Variants in SLC24A3 observed in about 807,000 individuals in gnomAD.
The protein encoded by SLC24A3 is sodium/potassium/calcium exchanger 3.
SLC24A3 carries 28 observed loss-of-function variants against 75.8 expected under a neutral mutation model. The observed-to-expected ratio is 0.37, with a 90% CI of 0.27 to 0.51. The LOEUF (loss-of-function observed/expected upper bound fraction) is 0.51, where lower values mean the gene tolerates loss of function less well. SLC24A3 is among the 20% of genes least tolerant of loss of function. The pLI, the probability that SLC24A3 is intolerant of heterozygous loss-of-function variation, is 0.94. For missense variants in SLC24A3, 663 were observed against 847.8 expected (o/e 0.78, Z 2.71); for synonymous variants, 372 against 334.1 (o/e 1.11, Z -1.24).
chr20:19,685,069 C>T, intron 11 of SLC24A3, 31 bp from the exon 12 acceptor site: 1 of 1,570,220 alleles, frequency 6.4e-7, no homozygotes, highest in East Asian at 2.3e-5. Flanking sequence ...ATCCCTCTGA[C>T]CGTGGTAAGA....
intron 7 of SLC24A3, among the ~76,000 whole-genome samples, chr20:19,657,056 C>A (rs943874438): frequency 3.3e-5 from 5 of 152,220 alleles, no homozygotes; most frequent in Non-Finnish European, 5.9e-5. Flanking sequence ...GCTGAACACG[C>A]AGGCTGCCAG....
intron 2 of SLC24A3, among the ~76,000 whole-genome samples, chr20:19,477,008 C>G (rs1259184493): frequency 6.6e-6 from 1 of 151,950 alleles, no homozygotes; most frequent in African/African-American, 2.4e-5. Context: ...GTCAGCTGAG[C>G]TGGGGTGGGA....
intron 1 of SLC24A3, among the ~76,000 whole-genome samples, chr20:19,273,209 G>A (rs898799923): frequency 6.6e-6 from 1 of 152,204 alleles, no homozygotes; most frequent in African/African-American, 2.4e-5. Flanking sequence ...GGCCAGTGTG[G>A]GCGAGGCCAT....
At chr20:19,693,637 A>T in intron 13 of SLC24A3, 4 of 562,722 alleles carry the variant, frequency 7.1e-6, no homozygotes, top group Non-Finnish European at 1.2e-5. Flanking sequence ...CATTAATCTT[A>T]GCTGGGACCT....
chr20:19,488,348 T>C (rs770419680), intron 2 of SLC24A3, among the ~76,000 whole-genome samples: 2 of 152,192 alleles, frequency 1.3e-5, no homozygotes, highest in Non-Finnish European at 1.5e-5. Flanking sequence ...CTTCATAACC[T>C]GGACTGACAC....
At position 19,588,524 on chromosome 20, in the gene SLC24A3, C is replaced by T. The variant is rs554749648; in HGVS notation, c.612+2980C>T. 3.9e-5 allele frequency among the ~76,000 whole-genome samples: 6 copies of T among 152,324 alleles called. No homozygotes were observed. In the South Asian group the frequency reaches 8.3e-4, roughly 21 times the overall value. ...ATTTGCAGTTTGCAAACATAACCCT[C>T]GCTTTGGTGTTCACCTAAGGTGCTT... On this transcript the variant is annotated intron_variant, in intron 6 of 16. Transcript: ENST00000328041.
intron 2 of SLC24A3, among the ~76,000 whole-genome samples, chr20:19,336,586 A>G (rs1180057955): frequency 4.0e-5 from 6 of 151,806 alleles, no homozygotes; most frequent in African/African-American, 9.7e-5. Context: ...AGGTTTCACC[A>G]TGTTGGCCAG....
intron 12 of SLC24A3, among the ~76,000 whole-genome samples, chr20:19,689,419 C>G (rs1346998568): frequency 6.6e-6 from 1 of 152,194 alleles, no homozygotes; most frequent in African/African-American, 2.4e-5. Flanking sequence ...CGGGCCAGCT[C>G]CGGCCCCTGG....
In SLC24A3 at chr20:19,722,912, GAGT is replaced by G. The variant is rs1600359062; in HGVS notation, c.*1773_*1775del. The stretch of plus-strand genomic sequence containing the variant: ...TCTGTTCTCTATCCTTCCCAGAGCA[GAGT>G]GCATTACTTTCTCCCCTGGAAAGCT... On this transcript the variant is annotated 3_prime_UTR_variant, in exon 17 of 17. Coordinates refer to ENST00000328041, the MANE Select transcript of SLC24A3 (RefSeq NM_020689.4). 1 of 152,772 alleles carries G rather than the reference GAGT, an allele frequency of 6.5e-6. No individual in the cohort carries two copies. The highest frequency in any genetic ancestry group is 1.9e-4 in the East Asian group (1 of 5,188). 9.5% of individuals were successfully genotyped at this position (152,772 alleles called of 1,614,324 possible).
intron 6 of SLC24A3, among the ~76,000 whole-genome samples, chr20:19,597,233 A>C (rs536938010): frequency 6.6e-6 from 1 of 152,172 alleles, no homozygotes; most frequent in South Asian, 2.1e-4. Flanking sequence ...AAAAAAGTTT[A>C]AGAATTAGCC....
chr20:19,477,133 G>A (rs146842351), intron 2 of SLC24A3, among the ~76,000 whole-genome samples: 6 of 152,090 alleles, frequency 3.9e-5, no homozygotes, highest in Admixed American at 2.6e-4. Context: ...GAAGAGACTG[G>A]GAAAGGAAGT....
At chr20:19,255,068 T>G (rs1182832285) in intron 1 of SLC24A3, among the ~76,000 whole-genome samples, 1 of 152,198 alleles carries the variant, frequency 6.6e-6, no homozygotes, top group Non-Finnish European at 1.5e-5. Context: ...ATTCACTGGG[T>G]GGGGATCCAT....
chr20:19,563,630 A>G lies in SLC24A3; in HGVS notation c.349-16370A>G, dbSNP rs545669824. ...TGCTGGCGTCCTGTGTCTCAGGCCT[A>G]TTCTGTTTTTGGAAGTCCTGGTTGC... On this transcript the variant is annotated intron_variant, in intron 3 of 16. Coordinates refer to ENST00000328041, the MANE Select transcript of SLC24A3 (RefSeq NM_020689.4). Among the ~76,000 whole-genome samples the G allele has an allele frequency of 1.8e-4, 28 of 152,324 alleles. No homozygotes were observed. The South Asian group carries it at 5.8e-3, about 32-fold the overall frequency.
intron 2 of SLC24A3, among the ~76,000 whole-genome samples, chr20:19,479,622 A>T (rs1365781701): frequency 2.0e-5 from 3 of 152,226 alleles, no homozygotes; most frequent in Non-Finnish European, 4.4e-5. Flanking sequence ...TGTGTGAGTG[A>T]GTGAGCAGAT....
intron 15 of SLC24A3, among the ~76,000 whole-genome samples, chr20:19,710,919 T>C (rs928766787): frequency 6.6e-6 from 1 of 152,278 alleles, no homozygotes; most frequent in African/African-American, 2.4e-5. Flanking sequence ...TCCCTCTTGC[T>C]TTGTTACTTG....
intron 1 of SLC24A3, among the ~76,000 whole-genome samples, chr20:19,229,668 T>A (rs1214612292): frequency 1.3e-5 from 2 of 152,192 alleles, no homozygotes; most frequent in African/African-American, 4.8e-5. Context: ...TCGTTTTGCC[T>A]GGAGAATATG....
intron 2 of SLC24A3, among the ~76,000 whole-genome samples, chr20:19,497,603 C>T (rs6081615): frequency 7.9e-5 from 12 of 151,906 alleles, no homozygotes; most frequent in Non-Finnish European, 1.3e-4. Context: ...TGGGGAGAAA[C>T]GTGAACTAAA....
chr20:19,281,216 T>G, intron 2 of SLC24A3, 129 bp downstream of exon 2: 1 of 1,361,288 alleles, frequency 7.3e-7, no homozygotes, highest in Non-Finnish European at 9.9e-7. Context: ...AGGATGGGAG[T>G]CTAAGAAACT....
At chr20:19,573,345 G>A (rs2031082812) in intron 3 of SLC24A3, among the ~76,000 whole-genome samples, 2 of 152,134 alleles carry the variant, frequency 1.3e-5, no homozygotes, top group African/African-American at 4.8e-5. Flanking sequence ...AAGTTCTTTA[G>A]TTTTATTAGT....
Sources: gnomAD v4.1 joint callset for allele counts (sites outside exome capture counted in the v4.1 genomes callset) on GRCh38, gnomAD v4.1.1 for gene constraint, MANE v1.5 for transcripts, NCBI Gene and HGNC (gene_info 2026-07-23, HGNC 2026-07-21) for gene names.